GPC5: variants seen among roughly 807,000 people sequenced by gnomAD.
GPC5 encodes glypican-5.
In GPC5, 47 loss-of-function variants were observed where a neutral mutation model predicts 53.9. The ratio of observed to expected loss-of-function variants is 0.87; its 90% confidence interval spans 0.69 to 1.11. The LOEUF (loss-of-function observed/expected upper bound fraction) is 1.11. Among genes scored for constraint, GPC5 ranks in the 50% most tolerant of loss-of-function variants. The pLI is 0.00. For missense variants in GPC5, 748 were observed against 713.1 expected (o/e 1.05, Z -0.56); for synonymous variants, 286 against 263.3 (o/e 1.09, Z -0.84).
intron 7 of GPC5, among the ~76,000 whole-genome samples, chr13:92,260,659 G>A (rs1041887595): frequency 3.3e-5 from 5 of 152,114 alleles, no homozygotes; most frequent in Admixed American, 2.0e-4. Flanking sequence ...ATAGCCACAG[G>A]AAATAAGTAG....
In GPC5 at chr13:92,834,302, C is replaced by T. The variant is rs550526060; in HGVS notation, c.1562-31980C>T. Among the ~76,000 whole-genome samples, 76 of 152,240 alleles carry T rather than the reference C, an allele frequency of 5.0e-4. 1 individual carries two copies. Among genetic ancestry groups the T allele is most frequent in the Admixed American group, 8.5e-4 (13 of 15,294 alleles). ...GTAAGAAAAAACTTTGCATATTTTA[C>T]TCCAACCTGTTAAAAAATGGTAATT... On this transcript the variant is annotated intron_variant, in intron 7 of 7. Coordinates refer to ENST00000377067, the MANE Select transcript of GPC5 (RefSeq NM_004466.6).
intron 2 of GPC5, among the ~76,000 whole-genome samples, chr13:91,576,946 G>T (rs1173261287): frequency 1.3e-5 from 2 of 151,794 alleles, no homozygotes; most frequent in African/African-American, 4.8e-5. Context: ...AAAAAAATTT[G>T]TATGTGAAAA....
chr13:91,552,882 G>A (rs1395973935), intron 2 of GPC5, among the ~76,000 whole-genome samples: 1 of 151,990 alleles, frequency 6.6e-6, no homozygotes, highest in Non-Finnish European at 1.5e-5. Flanking sequence ...CAGGAATGTT[G>A]TATTTTATGG....
chr13:91,493,374 A>G (rs118096244), intron 2 of GPC5, among the ~76,000 whole-genome samples: 10,932 of 152,252 alleles, frequency 0.072, 477 homozygotes, highest in Non-Finnish European at 0.097. Flanking sequence ...TAGTTATTTT[A>G]AAATGTACAA....
chr13:92,746,672 A>G (rs1418978256), intron 7 of GPC5, among the ~76,000 whole-genome samples: 1 of 152,130 alleles, frequency 6.6e-6, no homozygotes, highest in African/African-American at 2.4e-5. Context: ...CCTTAACTTC[A>G]TAGATTTCGT....
chr13:91,610,094 T>G (rs1159141628), intron 2 of GPC5, among the ~76,000 whole-genome samples: 3 of 152,208 alleles, frequency 2.0e-5, no homozygotes, highest in African/African-American at 7.2e-5. Flanking sequence ...TGAGCAAAGA[T>G]TTACTTTTGG....
intron 7 of GPC5, among the ~76,000 whole-genome samples, chr13:92,385,783 G>GTA (rs1158283728): frequency 2.0e-5 from 2 of 99,530 alleles, no homozygotes; most frequent in African/African-American, 4.0e-5. Flanking sequence ...ATACATATAT[G>GTA]TATATATATA....
intron 2 of GPC5, among the ~76,000 whole-genome samples, chr13:91,490,550 G>A (rs1033041507): frequency 4.6e-5 from 7 of 152,106 alleles, no homozygotes; most frequent in Non-Finnish European, 1.0e-4. Context: ...GTGAGTATTA[G>A]TTAAGCAATA....
chr13:92,232,741 C>T (rs1184462416), intron 7 of GPC5, among the ~76,000 whole-genome samples: 1 of 151,822 alleles, frequency 6.6e-6, no homozygotes, highest in Non-Finnish European at 1.5e-5. Context: ...AGAAGTTTTT[C>T]ATGATTAGTG....
chr13:92,833,191 A>C (rs1293306248), intron 7 of GPC5, among the ~76,000 whole-genome samples: 13 of 152,166 alleles, frequency 8.5e-5, no homozygotes, highest in Non-Finnish European at 1.9e-4. Context: ...AGCTTTTCAG[A>C]AGCCAACAGA....
At chr13:92,578,780 C>T (rs1883269938) in intron 7 of GPC5, among the ~76,000 whole-genome samples, 1 of 152,176 alleles carries the variant, frequency 6.6e-6, no homozygotes, top group Admixed American at 6.5e-5. Context: ...TCTGTGTATT[C>T]CTGAACCCAG....
chr13:91,432,403 T>C (rs989700039), intron 1 of GPC5, among the ~76,000 whole-genome samples: 4 of 152,216 alleles, frequency 2.6e-5, no homozygotes, highest in African/African-American at 4.8e-5. Flanking sequence ...ATATTAGATA[T>C]GCTTGTGATT....
intron 2 of GPC5, among the ~76,000 whole-genome samples, chr13:91,523,068 G>A (rs570599996): frequency 7.9e-5 from 12 of 152,230 alleles, no homozygotes; most frequent in South Asian, 6.2e-4. Context: ...TTAGGATGGC[G>A]ATTATAAAAA....
chr13:91,904,281 C>T (rs1197425269), intron 5 of GPC5, among the ~76,000 whole-genome samples: 1 of 151,234 alleles, frequency 6.6e-6, no homozygotes, highest in African/African-American at 2.4e-5. Context: ...CTCCCATGAT[C>T]CCCCTGCCTC....
At chr13:92,158,162 G>A (rs2041958968) in intron 7 of GPC5, among the ~76,000 whole-genome samples, 1 of 152,102 alleles carries the variant, frequency 6.6e-6, no homozygotes. Context: ...AAGTACAGAT[G>A]TTTCAAGTAT....
intron 7 of GPC5, among the ~76,000 whole-genome samples, chr13:92,601,652 T>A (rs1236849165): frequency 6.6e-6 from 1 of 151,758 alleles, no homozygotes; most frequent in Non-Finnish European, 1.5e-5. Context: ...GATTTCAGTG[T>A]GTGTGTGTTT....
chr13:91,514,822 C>T (rs1346076177), intron 2 of GPC5, among the ~76,000 whole-genome samples: 1 of 152,088 alleles, frequency 6.6e-6, no homozygotes, highest in Non-Finnish European at 1.5e-5. Context: ...TTATCTAATG[C>T]TCACAGTTTT....
intron 5 of GPC5, among the ~76,000 whole-genome samples, chr13:91,862,514 A>G (rs1338868860): frequency 3.3e-5 from 5 of 152,210 alleles, no homozygotes; most frequent in African/African-American, 1.2e-4. Flanking sequence ...CCCACAACGA[A>G]GAATTATATG....
chr13:92,080,657 C>T (rs1170802484), intron 6 of GPC5, among the ~76,000 whole-genome samples: 1 of 152,204 alleles, frequency 6.6e-6, no homozygotes, highest in Non-Finnish European at 1.5e-5. Flanking sequence ...GGCTGCTATA[C>T]TTACACAAGT....
Sources: gnomAD v4.1 joint callset for allele counts (sites outside exome capture counted in the v4.1 genomes callset) on GRCh38, gnomAD v4.1.1 for gene constraint, MANE v1.5 for transcripts, NCBI Gene and HGNC (gene_info 2026-07-23, HGNC 2026-07-21) for gene names.